The following DST variants were observed in gnomAD, a reference collection of about 807,000 sequenced individuals.
DST encodes dystonin.
In DST, 253 loss-of-function variants were observed where a neutral mutation model predicts 875.2. The ratio of observed to expected loss-of-function variants is 0.29; its 90% CI spans 0.26 to 0.32. DST has a LOEUF of 0.32. Among genes scored for constraint, DST ranks in the 10% least tolerant of loss-of-function variants. The pLI, the probability that DST is intolerant of heterozygous loss-of-function variation, is 1.00. For synonymous variants in DST, 3,124 were observed against 3,197.1 expected, an observed-to-expected ratio of 0.98 and a Z score of 0.77; for missense variants, 8,287 against 9,111.6, an observed-to-expected ratio of 0.91 and a Z score of 3.68.
chr6:56,786,026 C>G (rs1476912306), intron 4 of DST: 1 of 152,202 alleles, frequency 6.6e-6, no homozygotes, highest in Non-Finnish European at 1.5e-5. Context: ...TTATAGTTAA[C>G]TCTCTGAGGG....
chr6:56,564,351 G>A (rs2152571266), intron 55 of DST, among the ~76,000 whole-genome samples: 1 of 152,288 alleles, frequency 6.6e-6, no homozygotes, highest in African/African-American at 2.4e-5. Flanking sequence ...GTGAATGGGA[G>A]TTCACTCATG....
chr6:56,513,094 A>G (rs2096513583), intron 72 of DST, among the ~76,000 whole-genome samples: 1 of 152,220 alleles, frequency 6.6e-6, no homozygotes. Flanking sequence ...ACAAGCTTTC[A>G]CTCAAGAGTT....
chr6:56,721,677 T>C (rs1048619170), intron 5 of DST, among the ~76,000 whole-genome samples: 1 of 152,214 alleles, frequency 6.6e-6, no homozygotes, highest in Non-Finnish European at 1.5e-5. Flanking sequence ...ACCATTTTGT[T>C]AAATAAATCA....
chr6:56,910,223 G>C (rs1798267582), intron 2 of DST, among the ~76,000 whole-genome samples: 1 of 152,170 alleles, frequency 6.6e-6, no homozygotes, highest in Non-Finnish European at 1.5e-5. Context: ...CTAGAGAACA[G>C]TGGTGTGATC....
intron 4 of DST, among the ~76,000 whole-genome samples, chr6:56,750,104 C>T (rs1380252790): frequency 6.6e-6 from 1 of 152,108 alleles, no homozygotes; most frequent in Non-Finnish European, 1.5e-5. Context: ...TGTGGGGTGC[C>T]CGCAGACTTC....
In DST at chr6:56,604,316, C is replaced by T; in HGVS notation, c.10312G>A (p.Gly3438Arg). The change falls in exon 40 of 104, where the codon GGA (glycine) becomes AGA (arginine). Residue 3438 changes from glycine (G) to arginine (R), a missense_variant. By Grantham distance (125) the Gly-to-Arg change is moderately radical. Coordinates refer to ENST00000680361, the MANE Select transcript of DST (RefSeq NM_001374736.1). ...AGGAGAAGCTCAGACTTAAGATTTC[C>T]AATACAGAAAGGATCATCTCTACTT... is the stretch of plus-strand genomic sequence containing the variant. ...PESRDDPFCI[G>R]NLKSELLLNI... 5 of 1,612,318 alleles carry T rather than the reference C, an allele frequency of 3.1e-6. No individual in the cohort carries two copies. The highest frequency in any genetic ancestry group is 4.2e-6 in the Non-Finnish European group (5 of 1,179,058).
chr6:56,652,489 G>C (rs543443821), intron 10 of DST, among the ~76,000 whole-genome samples: 42 of 152,162 alleles, frequency 2.8e-4, no homozygotes, highest in Non-Finnish European at 5.6e-4. Context: ...TAATCATTTG[G>C]GAAACCACAG....
chr6:56,942,720 T>C (rs938770500), intron 2 of DST, among the ~76,000 whole-genome samples: 1 of 146,274 alleles, frequency 6.8e-6, no homozygotes, highest in East Asian at 2.0e-4. Context: ...TTTTTTTTTT[T>C]TTTTTTTTTT....
intron 5 of DST, among the ~76,000 whole-genome samples, chr6:56,707,951 T>C (rs1221541538): frequency 6.6e-6 from 1 of 152,096 alleles, no homozygotes; most frequent in African/African-American, 2.4e-5. Flanking sequence ...GGGTGGATCA[T>C]GAGGTCAGGA....
intron 3 of DST, among the ~76,000 whole-genome samples, chr6:56,875,151 T>G (rs1779108030): frequency 6.6e-6 from 1 of 151,902 alleles, no homozygotes; most frequent in Non-Finnish European, 1.5e-5. Context: ...GCCCGGCTAA[T>G]TTTTTTGTAT....
At chr6:56,841,765 G>A (rs1182434521) in intron 4 of DST, among the ~76,000 whole-genome samples, 2 of 151,836 alleles carry the variant, frequency 1.3e-5, no homozygotes, top group Non-Finnish European at 2.9e-5. Context: ...TCAAAGCTCT[G>A]GAAACAACTA....
intron 4 of DST, among the ~76,000 whole-genome samples, chr6:56,834,250 G>A (rs2099790818): frequency 6.6e-6 from 1 of 151,990 alleles, no homozygotes; most frequent in Non-Finnish European, 1.5e-5. Flanking sequence ...TTAAAAAGCG[G>A]GCAAAAGATC....
chr6:56,531,084 T>C (rs1019859950), intron 64 of DST, among the ~76,000 whole-genome samples: 2 of 152,206 alleles, frequency 1.3e-5, no homozygotes, highest in Admixed American at 6.5e-5. Flanking sequence ...TTTCAGTTGA[T>C]ATATTTGATC....
At chr6:56,621,655 G>T (rs967274748) in intron 36 of DST, among the ~76,000 whole-genome samples, 2 of 152,130 alleles carry the variant, frequency 1.3e-5, no homozygotes, top group African/African-American at 2.4e-5. Flanking sequence ...TGTCAGCTGG[G>T]AGGAGTATGC....
intron 2 of DST, among the ~76,000 whole-genome samples, chr6:56,918,849 A>G (rs55786720): frequency 0.16 from 24,617 of 152,126 alleles, 2,175 homozygotes; most frequent in Middle Eastern, 0.24. Flanking sequence ...CTGAGATCGC[A>G]CACTCCTGCA....
Position 56,477,257 on chromosome 6 carries a change from C to T in DST, c.21675+88G>A, listed in dbSNP as rs1325755404. 2.6e-5 allele frequency: 37 copies of T among 1,411,694 alleles called. 1 individual carries two copies. The highest frequency in any genetic ancestry group is 3.7e-4 in the Middle Eastern group (2 of 5,476). The allele number at this position is 1,411,694 out of a possible 1,614,324, so 87.4% of individuals were successfully genotyped here. On this transcript the variant is annotated intron_variant, in intron 91 of 103. Transcript: ENST00000680361. ...TGTAGAGGTCTCATTTTCCCATGGC[C>T]ATAAGTGCATCTTAATTCCTGAAAT...
intron 3 of DST, among the ~76,000 whole-genome samples, chr6:56,874,363 T>C (rs1778742364): frequency 6.6e-6 from 1 of 152,142 alleles, no homozygotes; most frequent in Non-Finnish European, 1.5e-5. Context: ...TAGATAAAAC[T>C]TAAATTTATA....
chr6:56,519,407 C>A (rs1384595815), intron 69 of DST, among the ~76,000 whole-genome samples: 1 of 152,204 alleles, frequency 6.6e-6, no homozygotes, highest in Non-Finnish European at 1.5e-5. Context: ...GTCCCCAACA[C>A]TCTTGCCGGG....
intron 61 of DST, among the ~76,000 whole-genome samples, chr6:56,546,585 G>A (rs1331639875): frequency 6.6e-6 from 1 of 151,544 alleles, no homozygotes; most frequent in African/African-American, 2.4e-5. Context: ...TAGGATCTGT[G>A]AGCACAGACA....
Sources: gnomAD v4.1 joint callset for allele counts (sites outside exome capture counted in the v4.1 genomes callset) on GRCh38, gnomAD v4.1.1 for gene constraint, MANE v1.5 for transcripts, NCBI Gene and HGNC (gene_info 2026-07-23, HGNC 2026-07-21) for gene names.